Variants in GNAL observed in about 807,000 individuals in gnomAD.
GNAL encodes the protein G protein subunit alpha L, also known as guanine nucleotide-binding protein G(olf) subunit alpha.
A neutral mutation model predicts 55.1 loss-of-function variants in GNAL; 18 were observed. That is an observed-to-expected ratio of 0.33 (90% CI 0.23 to 0.48). The LOEUF (loss-of-function observed/expected upper bound fraction) is 0.48, where lower values mean the gene tolerates loss of function less well. GNAL is among the 20% of genes least tolerant of loss of function. The pLI, the probability that GNAL is intolerant of heterozygous loss-of-function variation, is 0.99. For missense variants in GNAL, 412 were observed against 614.1 expected, an observed-to-expected ratio of 0.67 and a Z score of 3.48; for synonymous variants, 253 against 237.0, an observed-to-expected ratio of 1.07 and a Z score of -0.62.
chr18:11,815,071 A>G (rs1015533153), intron 4 of GNAL, among the ~76,000 whole-genome samples: 5 of 152,184 alleles, frequency 3.3e-5, no homozygotes, highest in Non-Finnish European at 5.9e-5. Context: ...TAGAGTGACT[A>G]TAGCAAATAA....
chr18:11,876,191 A>G (rs906649052), intron 10 of GNAL, among the ~76,000 whole-genome samples: 3 of 152,214 alleles, frequency 2.0e-5, no homozygotes, highest in East Asian at 1.9e-4. Context: ...TGAAAATTAC[A>G]TGTTTGGCTG....
intron 10 of GNAL, among the ~76,000 whole-genome samples, chr18:11,875,953 G>T (rs1366953363): frequency 6.6e-6 from 1 of 151,142 alleles, no homozygotes; most frequent in Non-Finnish European, 1.5e-5. Flanking sequence ...GGTGGAGAGG[G>T]TGAGGGGTCT....
intron 4 of GNAL, among the ~76,000 whole-genome samples, chr18:11,793,119 A>T (rs2034281279): frequency 6.6e-6 from 1 of 152,234 alleles, no homozygotes; most frequent in Non-Finnish European, 1.5e-5. Context: ...TGGATATGAC[A>T]TCAAAAGCTT....
chr18:11,837,113 C>T (rs977297433), intron 5 of GNAL, among the ~76,000 whole-genome samples: 1 of 152,080 alleles, frequency 6.6e-6, no homozygotes, highest in Non-Finnish European at 1.5e-5. Context: ...GCCACCACGC[C>T]CAGTTAATTT....
rs576712583 is a variant in GNAL at position 11,713,337 on chromosome 18, G to A, written c.376+23398G>A. 6.6e-5 allele frequency among the ~76,000 whole-genome samples: 10 copies of A among 152,336 alleles called. No homozygotes were observed. In the South Asian group the frequency reaches 2.1e-3, roughly 32 times the overall value. On this transcript the variant is annotated intron_variant, in intron 1 of 11. Transcript: ENST00000334049. ...CCCTGATTGGAGGCTGTTGGCGTGG[G>A]GAAGCTGTAGGCTGGCTAAGTGCAA...
chr18:11,829,371 A>G (rs929178537), intron 5 of GNAL, among the ~76,000 whole-genome samples: 9 of 152,216 alleles, frequency 5.9e-5, no homozygotes, highest in African/African-American at 2.2e-4. Flanking sequence ...TGTTTTTCCT[A>G]TAGGGTCAGA....
intron 4 of GNAL, among the ~76,000 whole-genome samples, chr18:11,800,417 G>C (rs1241381128): frequency 6.6e-6 from 1 of 152,174 alleles, no homozygotes; most frequent in African/African-American, 2.4e-5. Flanking sequence ...TCCTCTCACT[G>C]GTCATAATTA....
intron 1 of GNAL, among the ~76,000 whole-genome samples, chr18:11,696,460 A>T (rs543353107): frequency 4.0e-5 from 6 of 151,418 alleles, no homozygotes; most frequent in Non-Finnish European, 7.4e-5. Context: ...AGCCGAGATC[A>T]TGCCACTGCA....
At chr18:11,703,795 G>GCACACACACACACACACACA (rs35455680) in intron 1 of GNAL, among the ~76,000 whole-genome samples, 45 of 141,492 alleles carry the variant, frequency 3.2e-4, no homozygotes, top group African/African-American at 6.3e-4. Context: ...GTGTTGATGG[G>GCACACACACACACACACACA]CACACACACA....
intron 1 of GNAL, among the ~76,000 whole-genome samples, chr18:11,734,156 T>C (rs1170534487): frequency 2.7e-4 from 40 of 150,708 alleles, no homozygotes; most frequent in African/African-American, 9.5e-4. Context: ...TTCTTTTTTT[T>C]TTTTTTTTGA....
intron 11 of GNAL, among the ~76,000 whole-genome samples, chr18:11,877,445 ACT>A (rs1454449101): frequency 6.6e-6 from 1 of 150,694 alleles, no homozygotes; most frequent in African/African-American, 2.4e-5. Context: ...ACAGAGCGAG[ACT>A]CTGTCTCAAA....
At chr18:11,795,273 C>T (rs908262228) in intron 4 of GNAL, among the ~76,000 whole-genome samples, 4 of 151,834 alleles carry the variant, frequency 2.6e-5, no homozygotes, top group East Asian at 2.0e-4. Context: ...TGATAGCATG[C>T]ACCTGTAGTC....
intron 4 of GNAL, among the ~76,000 whole-genome samples, chr18:11,792,778 G>A (rs574771661): frequency 1.1e-4 from 16 of 152,302 alleles, no homozygotes; most frequent in South Asian, 6.2e-4. Flanking sequence ...TTGAAGGAGA[G>A]GGTAATTCTT....
At chr18:11,735,796 G>A (rs542592547) in intron 1 of GNAL, among the ~76,000 whole-genome samples, 545 of 147,874 alleles carry the variant, frequency 3.7e-3, no homozygotes, top group Non-Finnish European at 6.5e-3. Context: ...AGGGAGGGAG[G>A]GAAGGAAGGA....
At chr18:11,799,896 CCT>C (rs1168052542) in intron 4 of GNAL, among the ~76,000 whole-genome samples, 1 of 151,928 alleles carries the variant, frequency 6.6e-6, no homozygotes, top group Admixed American at 6.6e-5. Flanking sequence ...CTTCTCTCTC[CCT>C]CTCTCTCGCC....
At chr18:11,797,250 A>G (rs1023710096) in intron 4 of GNAL, among the ~76,000 whole-genome samples, 2 of 152,198 alleles carry the variant, frequency 1.3e-5, no homozygotes, top group Non-Finnish European at 2.9e-5. Context: ...TTAAAAAGAC[A>G]GCATCTTTAA....
intron 5 of GNAL, among the ~76,000 whole-genome samples, chr18:11,845,707 C>T (rs12607811): frequency 0.12 from 17,729 of 149,004 alleles, 1,431 homozygotes; most frequent in East Asian, 0.39. Context: ...CAGAGTGACA[C>T]CCTGAAGGAA....
At chr18:11,699,567 G>T (rs528706811) in intron 1 of GNAL, among the ~76,000 whole-genome samples, 1 of 149,628 alleles carries the variant, frequency 6.7e-6, no homozygotes. Context: ...GAGGGGGGGG[G>T]TTGGCTTTAA....
chr18:11,784,381 A>G (rs1288316192), intron 4 of GNAL, among the ~76,000 whole-genome samples: 1 of 152,178 alleles, frequency 6.6e-6, no homozygotes, highest in Non-Finnish European at 1.5e-5. Context: ...GCGGCAGCCA[A>G]CTGTGTTCTC....
Sources: allele counts gnomAD v4.1 joint callset (sites outside exome capture counted in the v4.1 genomes callset), GRCh38; gene constraint gnomAD v4.1.1; transcripts MANE v1.5; gene names NCBI Gene and HGNC (gene_info 2026-07-23, HGNC 2026-07-21).